WDR5: variants seen among roughly 807,000 people sequenced by gnomAD.
WDR5 encodes the protein WD repeat-containing protein 5.
For synonymous variants in WDR5, 144 were observed against 161.6 expected (o/e 0.89, Z 0.83); for missense variants, 187 against 416.9 (o/e 0.45, Z 4.80).
At chr9:134,155,197 C>T (rs1311562057) in intron 10 of WDR5, 143 bp from the exon 11 acceptor site, 5 of 980,970 alleles carry the variant, frequency 5.1e-6, no homozygotes, top group Non-Finnish European at 5.7e-6. Context: ...GGGCTCCTTA[C>T]CCTGATGGGG....
At chr9:134,137,868 G>A (rs1564186519) in intron 1 of WDR5, among the ~76,000 whole-genome samples, 4 of 151,818 alleles carry the variant, frequency 2.6e-5, no homozygotes, top group Non-Finnish European at 4.4e-5. Context: ...TCAGCCTCCC[G>A]AGTAGCTGGG....
chr9:134,155,572 G>T, intron 11 of WDR5, 121 bp from the exon 12 acceptor site: 1 of 1,275,340 alleles, frequency 7.8e-7, no homozygotes, highest in South Asian at 1.4e-5. Flanking sequence ...GTGTGGGTTT[G>T]GTACTTGTAC....
At chr9:134,138,761 G>A (rs1831719006) in intron 1 of WDR5, among the ~76,000 whole-genome samples, 3 of 152,062 alleles carry the variant, frequency 2.0e-5, no homozygotes, top group Admixed American at 1.3e-4. Context: ...CTTCCATTTC[G>A]CGTTAGTGTT....
Position 134,159,643 on chromosome 9 carries a change from C to T in WDR5, c.*1650C>T, listed in dbSNP as rs1018413821. 3 of 152,246 alleles carry T rather than the reference C, an allele frequency of 2.0e-5. No homozygotes were observed. The highest frequency in any genetic ancestry group is 2.9e-5 in the Non-Finnish European group (2 of 68,078). The allele number at this position is 152,246 out of a possible 1,614,324, so 9.4% of individuals were successfully genotyped here. On this transcript the variant is annotated 3_prime_UTR_variant, in exon 14 of 14. Transcript: ENST00000358625. This position sits in a 1 kb window ranked among gnomAD's most constrained non-coding sequence, Gnocchi z 4.3. ...TCCGATGAGGTGTACGGATGAGTGA[C>T]CTGCACTAAGAAGTGAGTTGCCACA...
chr9:134,153,651 TGCCTGGCGAGGCCAGGC>T (rs2132577859), intron 9 of WDR5, among the ~76,000 whole-genome samples: 1 of 152,254 alleles, frequency 6.6e-6, no homozygotes, highest in Admixed American at 6.5e-5. Context: ...AGACGCCAGG[TGCCTGGCGAGGCCAGGC>T]GTCCCCGTGG....
chr9:134,148,893 A>G (rs1376518831), intron 8 of WDR5, among the ~76,000 whole-genome samples: 1 of 152,182 alleles, frequency 6.6e-6, no homozygotes, highest in Non-Finnish European at 1.5e-5. Context: ...AGGAGACACA[A>G]GGGAAGTGGA....
At chr9:134,148,401 T>TG in intron 8 of WDR5, 58 bp downstream of exon 8, 1 of 1,485,602 alleles carries the variant, frequency 6.7e-7, no homozygotes, top group Non-Finnish European at 9.4e-7. Context: ...GGCCAGCTCT[T>TG]GCACTGTTCC....
chr9:134,155,642 AAATC>A lies in WDR5; in HGVS notation c.742-48_742-45del, dbSNP rs772379279. On this transcript the variant is annotated intron_variant, in intron 11 of 13. Transcript: ENST00000358625. ...CTTGCTTAGAACGTAGAATTACACA[AAATC>A]AAGGGGAACCATGACTCTGTGACCA... 96 of 1,581,304 alleles carry A rather than the reference AAATC, an allele frequency of 6.1e-5. No homozygotes were observed. In the Middle Eastern group the frequency reaches 1.7e-3, roughly 28 times the overall value.
chr9:134,157,802 G>A lies in WDR5; in HGVS notation c.905-91G>A, dbSNP rs781245162. 1.2e-4 allele frequency: 160 copies of A among 1,298,438 alleles called. No homozygotes were observed. Among genetic ancestry groups the A allele is most frequent in the Non-Finnish European group, 1.6e-4 (141 of 907,872 alleles). The allele number at this position is 1,298,438 out of a possible 1,614,324, so 80.4% of individuals were successfully genotyped here. A position where few individuals can be genotyped will look rare whatever the true frequency, so the allele number is the denominator to read the frequency against. ...CAGGTGGCGGGCAGGCGCTACCCGCGTTTCTGGAGAAAGGTGGAGCTCAGT... is the reference window on the plus strand; with the variant it reads ...CAGGTGGCGGGCAGGCGCTACCCGCATTTCTGGAGAAAGGTGGAGCTCAGT... On this transcript the variant is annotated intron_variant, in intron 13 of 13. Transcript: ENST00000358625. The surrounding 1 kb of genome is among the most constrained non-coding windows in gnomAD (Gnocchi z 5.0).
chr9:134,136,118 T>A lies in WDR5; in HGVS notation c.-141T>A, dbSNP rs897692429. 3 of 145,842 alleles carry A rather than the reference T, an allele frequency of 2.1e-5. No homozygotes were observed. Among genetic ancestry groups the A allele is most frequent in the Non-Finnish European group, 3.0e-5 (2 of 66,268 alleles). The allele number at this position is 145,842 out of a possible 1,614,324, so 9.0% of individuals were successfully genotyped here. A position where few individuals can be genotyped will look rare whatever the true frequency, so the allele number is the denominator to read the frequency against. On this transcript the variant is annotated 5_prime_UTR_variant, in exon 1 of 14. Coordinates refer to ENST00000358625, the MANE Select transcript of WDR5 (RefSeq NM_017588.3). ...CTGGCGCCCGCCCGAGCTGCCGCCT[T>A]GTCGAGCTGAGTCCGCGCTCCCGCC...
intron 7 of WDR5, among the ~76,000 whole-genome samples, chr9:134,143,998 G>C (rs1281858713): frequency 4.6e-5 from 7 of 152,252 alleles, no homozygotes; most frequent in African/African-American, 1.7e-4. Flanking sequence ...GGTGGATGCA[G>C]CATTTGTCCC....
At position 134,141,592 on chromosome 9, in the gene WDR5, C is replaced by T. The variant is rs746161467; in HGVS notation, c.264+9C>T. 1.9e-6 allele frequency: 3 copies of T among 1,614,102 alleles called. No individual in the cohort carries two copies. Among genetic ancestry groups the T allele is most frequent in the South Asian group, 1.1e-5 (1 of 91,080 alleles). On this transcript the variant is annotated intron_variant, in intron 4 of 13. Coordinates refer to ENST00000358625, the MANE Select transcript of WDR5 (RefSeq NM_017588.3). ...TATCTGGTCACAAGCTGGTAGGTTT[C>T]AGCCCTGTGCGGTGAAGTTGACTGT... is the stretch of plus-strand genomic sequence containing the variant.
chr9:134,151,160 G>A (rs1307502212), intron 8 of WDR5, among the ~76,000 whole-genome samples: 1 of 152,178 alleles, frequency 6.6e-6, no homozygotes, highest in Non-Finnish European at 1.5e-5. Flanking sequence ...GAGTTGGGAG[G>A]AGAGTTGCTG....
At chr9:134,137,198 C>T (rs1831607522) in intron 1 of WDR5, among the ~76,000 whole-genome samples, 1 of 152,168 alleles carries the variant, frequency 6.6e-6, no homozygotes, top group African/African-American at 2.4e-5. Context: ...GGTTGCTCGG[C>T]TTCAGGTGGT....
rs754396927 is a variant in WDR5 at position 134,154,533 on chromosome 9, G to A, written c.699G>A (p.Thr233=). 29 of 1,614,026 alleles carry A rather than the reference G, an allele frequency of 1.8e-5. No individual in the cohort carries two copies. Among genetic ancestry groups the A allele is most frequent in the South Asian group, 4.4e-5 (4 of 91,088 alleles). The change falls in exon 10 of 14, where the codon ACG becomes ACA. Residue 233 remains threonine (T), a synonymous_variant. Coordinates refer to ENST00000358625, the MANE Select transcript of WDR5 (RefSeq NM_017588.3). ...SPNGKYILAA[T]LDNTLKLWDY... ...ACGGCAAATACATCCTGGCCGCCAC[G>A]CTGGACAAGTGAGTACTGCGTGGGA...
At position 134,137,667 on chromosome 9, in the gene WDR5, C is replaced by CAAAAAAA. The variant is rs139470012; in HGVS notation, c.-59+1471_-59+1477dup. On this transcript the variant is annotated intron_variant, in intron 1 of 13. Transcript: ENST00000358625. Reference sequence around the variant, plus strand: ...CACCTGGACTCTTTGGACTGTGTCTCAAAAAAAAAACAAAAACAAAAAAAA... The same window carrying CAAAAAAA: ...CACCTGGACTCTTTGGACTGTGTCTCAAAAAAAAAAAAAAAAACAAAAACAAAAAAAA... Among the ~76,000 whole-genome samples, 177 of 93,374 alleles carry CAAAAAAA rather than the reference C, an allele frequency of 1.9e-3. 1 individual carries two copies. The highest frequency in any genetic ancestry group is 4.4e-3 in the South Asian group (10 of 2,284). 61.3% of individuals were successfully genotyped at this position (93,374 alleles called of 152,430 possible).
At chr9:134,150,460 CAT>C (rs1320803051) in intron 8 of WDR5, among the ~76,000 whole-genome samples, 1 of 152,166 alleles carries the variant, frequency 6.6e-6, no homozygotes, top group Non-Finnish European at 1.5e-5. Context: ...ATAATTTTCA[CAT>C]GTGGCGACAT....
intron 8 of WDR5, among the ~76,000 whole-genome samples, chr9:134,148,621 G>A (rs28626222): frequency 0.039 from 5,924 of 152,148 alleles, 379 homozygotes; most frequent in African/African-American, 0.13. Context: ...CCGTGTAGAC[G>A]CTGACGTGTG....
chr9:134,142,054 T>G lies in WDR5; in HGVS notation c.354+16T>G. The G allele has an allele frequency of 1.2e-6, 2 of 1,612,464 alleles. No individual in the cohort carries two copies. Among genetic ancestry groups the G allele is most frequent in the Non-Finnish European group, 1.7e-6 (2 of 1,178,756 alleles). On this transcript the variant is annotated intron_variant, in intron 5 of 13. Transcript: ENST00000358625. ...CGTGAGCTCGGTAAGTGACACTCAG[T>G]GCTTCTCTCCAGGGGAGACCGGCTG...
Sources: gnomAD v4.1 joint callset for allele counts (sites outside exome capture counted in the v4.1 genomes callset) on GRCh38, gnomAD v4.1.1 for gene constraint, Gnocchi (gnomAD v3.1) non-coding constraint, MANE v1.5 for transcripts, NCBI Gene and HGNC (gene_info 2026-07-23, HGNC 2026-07-21) for gene names.